ADGRL3: variants seen among roughly 807,000 people sequenced by gnomAD.
ADGRL3 encodes calcium-independent alpha-latrotoxin receptor 3.
Under a neutral mutation model 153.5 loss-of-function variants are expected in ADGRL3, and 62 were observed. The observed-to-expected ratio is 0.40, with a 90% confidence interval of 0.33 to 0.50. The LOEUF (loss-of-function observed/expected upper bound fraction) is 0.50. ADGRL3 is among the 20% of genes least tolerant of loss of function. The probability of loss-of-function intolerance (pLI) is 0.47; values close to 1 mark genes in which losing one functional copy is unlikely to be tolerated. For synonymous variants in ADGRL3, 710 were observed against 672.5 expected (o/e 1.06, Z -0.86); for missense variants, 1,641 against 1,859.4 (o/e 0.88, Z 2.16).
chr4:61,483,054 A>G (rs576410065), intron 2 of ADGRL3, among the ~76,000 whole-genome samples: 6 of 152,302 alleles, frequency 3.9e-5, no homozygotes, highest in Non-Finnish European at 7.4e-5. Flanking sequence ...TGCAGTGTAA[A>G]GAATTCTAAG....
intron 9 of ADGRL3, among the ~76,000 whole-genome samples, chr4:61,883,321 A>T (rs943714545): frequency 6.6e-6 from 1 of 152,102 alleles, no homozygotes; most frequent in Non-Finnish European, 1.5e-5. Flanking sequence ...GGTTGTTTTC[A>T]TTGCTTACTT....
At chr4:61,418,935 G>T (rs1324211876) in intron 2 of ADGRL3, among the ~76,000 whole-genome samples, 1 of 150,642 alleles carries the variant, frequency 6.6e-6, no homozygotes, top group African/African-American at 2.5e-5. Context: ...ACAGTTTAGT[G>T]ACTATAAATA....
At chr4:61,346,235 A>G (rs1287752025) in intron 1 of ADGRL3, among the ~76,000 whole-genome samples, 1 of 151,274 alleles carries the variant, frequency 6.6e-6, no homozygotes, top group East Asian at 1.9e-4. Context: ...ACGGTAACAT[A>G]TTGAGTCTCT....
At chr4:61,314,509 C>T (rs1013294935) in intron 1 of ADGRL3, among the ~76,000 whole-genome samples, 1 of 152,290 alleles carries the variant, frequency 6.6e-6, no homozygotes, top group East Asian at 1.9e-4. Flanking sequence ...CGCTGGGCCC[C>T]CTACCTTGAT....
intron 17 of ADGRL3, among the ~76,000 whole-genome samples, chr4:61,974,816 T>G (rs1436651444): frequency 6.6e-6 from 1 of 152,214 alleles, no homozygotes; most frequent in East Asian, 1.9e-4. Context: ...CTTAAGGTAT[T>G]ATGATGTAAC....
chr4:61,281,225 T>A (rs1414149315), intron 1 of ADGRL3, among the ~76,000 whole-genome samples: 1 of 152,116 alleles, frequency 6.6e-6, no homozygotes, highest in Non-Finnish European at 1.5e-5. Context: ...TAAAAGGTAG[T>A]ACCGAATGGG....
intron 3 of ADGRL3, among the ~76,000 whole-genome samples, chr4:61,504,406 A>G (rs570725951): frequency 6.6e-6 from 1 of 152,218 alleles, no homozygotes; most frequent in Non-Finnish European, 1.5e-5. Context: ...TATGGGGTAC[A>G]TATAATATTT....
intron 2 of ADGRL3, among the ~76,000 whole-genome samples, chr4:61,413,342 C>T (rs2097109503): frequency 6.6e-6 from 1 of 152,048 alleles, no homozygotes; most frequent in African/African-American, 2.4e-5. Flanking sequence ...TCTGTTTACA[C>T]CAGCATCTTA....
At chr4:61,664,474 T>C (rs2094712643) in intron 5 of ADGRL3, among the ~76,000 whole-genome samples, 1 of 152,208 alleles carries the variant, frequency 6.6e-6, no homozygotes, top group Admixed American at 6.5e-5. Context: ...TTGCTATAGA[T>C]ATGTTCATGC....
Position 61,934,070 on chromosome 4 carries a change from T to C in ADGRL3, c.2113-770T>C, listed in dbSNP as rs1560396229. On this transcript the variant is annotated intron_variant, in intron 13 of 26. Transcript: ENST00000683033. ...AGCATAAAGCAAACCACAGGAAATA[T>C]ATAAATTGTAACTACAGAGATGATT... 4.6e-5 allele frequency: 7 copies of C among 152,308 alleles called. No individual in the cohort carries two copies. The South Asian group carries it at 1.5e-3, about 32-fold the overall frequency. The allele number at this position is 152,308 out of a possible 1,614,324, so 9.4% of individuals were successfully genotyped here.
chr4:61,428,865 A>G (rs2097315109), intron 2 of ADGRL3, among the ~76,000 whole-genome samples: 1 of 120,310 alleles, frequency 8.3e-6, no homozygotes. Flanking sequence ...CTATCTATCT[A>G]TCTATCTATA....
intron 1 of ADGRL3, among the ~76,000 whole-genome samples, chr4:61,292,844 C>A (rs2094273633): frequency 6.6e-6 from 1 of 152,046 alleles, no homozygotes; most frequent in Non-Finnish European, 1.5e-5. Flanking sequence ...ACTGGGAAGG[C>A]AAATAGAACC....
intron 25 of ADGRL3, among the ~76,000 whole-genome samples, chr4:62,065,153 C>T (rs1742339900): frequency 6.6e-6 from 1 of 151,922 alleles, no homozygotes; most frequent in South Asian, 2.1e-4. Flanking sequence ...TGAAATTTTT[C>T]TCTGGTCTTT....
At chr4:61,843,069 G>C (rs993122758) in intron 9 of ADGRL3, among the ~76,000 whole-genome samples, 14 of 152,188 alleles carry the variant, frequency 9.2e-5, no homozygotes, top group African/African-American at 3.4e-4. Context: ...GGAGTAAAGA[G>C]CACCAAGGAT....
intron 2 of ADGRL3, chr4:61,426,879 G>A (rs553103581): frequency 3.9e-5 from 6 of 152,126 alleles, no homozygotes; most frequent in Non-Finnish European, 7.3e-5. Context: ...GTTTTATCTC[G>A]GTCAACCCCA....
chr4:61,638,590 A>C lies in ADGRL3; in HGVS notation c.474-38236A>C, dbSNP rs531278632. 2.0e-5 allele frequency among the ~76,000 whole-genome samples: 3 copies of C among 152,320 alleles called. No individual in the cohort carries two copies. In the South Asian group the frequency reaches 6.2e-4, roughly 32 times the overall value. On this transcript the variant is annotated intron_variant, in intron 5 of 26. Transcript: ENST00000683033. ...TTATCTTTACTAACCACTGTACACC[A>C]TGATTTAATCTCCTGTTATGTTACT...
chr4:61,590,189 T>A (rs2098963756), intron 5 of ADGRL3, among the ~76,000 whole-genome samples: 1 of 152,140 alleles, frequency 6.6e-6, no homozygotes, highest in African/African-American at 2.4e-5. Flanking sequence ...ATCATACAGC[T>A]GCCTTGTCTA....
intron 9 of ADGRL3, among the ~76,000 whole-genome samples, chr4:61,856,407 C>G (rs1346508097): frequency 7.0e-6 from 1 of 143,202 alleles, no homozygotes; most frequent in Non-Finnish European, 1.5e-5. Context: ...GAACTTGGAA[C>G]TGTGTCTGAG....
At chr4:61,318,064 C>A (rs2095264040) in intron 1 of ADGRL3, among the ~76,000 whole-genome samples, 1 of 151,598 alleles carries the variant, frequency 6.6e-6, no homozygotes, top group South Asian at 2.1e-4. Context: ...GTAGTCCCAG[C>A]TGCTTGGGAG....
Sources: allele counts gnomAD v4.1 joint callset (sites outside exome capture counted in the v4.1 genomes callset), GRCh38; gene constraint gnomAD v4.1.1; transcripts MANE v1.5; gene names NCBI Gene and HGNC (gene_info 2026-07-23, HGNC 2026-07-21).